LRP1B: variants seen among roughly 807,000 people sequenced by gnomAD.
LRP1B encodes the protein low-density lipoprotein receptor-related protein 1B.
LRP1B carries 217 observed loss-of-function variants against 556.6 expected under a neutral mutation model. The ratio of observed to expected loss-of-function variants is 0.39; its 90% CI spans 0.35 to 0.44. The LOEUF (loss-of-function observed/expected upper bound fraction) is 0.44. Ranked by LOEUF, LRP1B falls within the 20% of genes least tolerant of loss-of-function variation. The pLI is 1.00. For missense variants in LRP1B, 5,053 were observed against 5,620.8 expected (o/e 0.90, Z 3.23); for synonymous variants, 2,047 against 1,865.8 (o/e 1.10, Z -2.50).
At chr2:141,842,088 G>C (rs1574417777) in intron 1 of LRP1B, among the ~76,000 whole-genome samples, 1 of 152,074 alleles carries the variant, frequency 6.6e-6, no homozygotes, top group African/African-American at 2.4e-5. Context: ...GTAAGAGTTG[G>C]TTGCTAACTG....
chr2:141,432,662 A>C (rs1383593779), intron 3 of LRP1B, among the ~76,000 whole-genome samples: 8 of 151,796 alleles, frequency 5.3e-5, no homozygotes, highest in African/African-American at 1.9e-4. Flanking sequence ...TCTGTCTATT[A>C]ATTTGTATAT....
chr2:140,776,049 A>G, intron 33 of LRP1B, 49 bp downstream of exon 33: 5 of 1,401,462 alleles, frequency 3.6e-6, no homozygotes, highest in Non-Finnish European at 4.8e-6. Context: ...TATAAAAAAG[A>G]GCACATTACG....
chr2:141,196,826 A>T (rs1214131695), intron 6 of LRP1B, among the ~76,000 whole-genome samples: 1 of 151,996 alleles, frequency 6.6e-6, no homozygotes, highest in Admixed American at 6.6e-5. Context: ...GCTTCCTTTT[A>T]TTAGTCCTGA....
At chr2:140,926,872 GTTTC>G (rs940367979) in intron 20 of LRP1B, among the ~76,000 whole-genome samples, 13 of 152,210 alleles carry the variant, frequency 8.5e-5, no homozygotes, top group African/African-American at 3.1e-4. Flanking sequence ...TTCTCTGAGT[GTTTC>G]TTTATCTCCC....
chr2:141,201,747 A>G (rs1329170320), intron 6 of LRP1B, among the ~76,000 whole-genome samples: 1 of 152,130 alleles, frequency 6.6e-6, no homozygotes, highest in East Asian at 1.9e-4. Context: ...ATGTTTCCCC[A>G]AAGTATTAGC....
At chr2:140,701,249 T>C (rs548283008) in intron 40 of LRP1B, among the ~76,000 whole-genome samples, 3 of 152,206 alleles carry the variant, frequency 2.0e-5, no homozygotes, top group African/African-American at 7.2e-5. Context: ...ACCCAAATCA[T>C]TGTCCTGTAA....
At chr2:140,787,558 A>ATTTTTTT (rs756825067) in intron 32 of LRP1B, among the ~76,000 whole-genome samples, 784 of 44,658 alleles carry the variant, frequency 0.018, 127 homozygotes, top group African/African-American at 0.066. Context: ...AAAACAGAAG[A>ATTTTTTT]TTTTTTTTTT....
At chr2:141,562,717 G>A (rs1329366078) in intron 2 of LRP1B, among the ~76,000 whole-genome samples, 1 of 151,952 alleles carries the variant, frequency 6.6e-6, no homozygotes, top group Non-Finnish European at 1.5e-5. Flanking sequence ...ATGGCTAGAT[G>A]TATGAGCGTG....
At position 140,525,843 on chromosome 2, in the gene LRP1B, C is replaced by A. The variant is rs1268439344; in HGVS notation, c.8026+1G>T. The A allele has an allele frequency of 6.2e-7, 1 of 1,610,974 alleles. No homozygotes were observed. The highest frequency in any genetic ancestry group is 1.1e-5 in the South Asian group (1 of 90,774). ...TGTGTTTTTCTAAATTCTAGTATTA[C>A]CTGGGCACTTTAATTCATCTGAATA... On this transcript the variant is annotated splice_donor_variant, in intron 49 of 90. Coordinates refer to ENST00000389484, the MANE Select transcript of LRP1B (RefSeq NM_018557.3). LOFTEE classifies it high-confidence loss of function.
At chr2:140,900,183 T>A (rs1267190883) in intron 23 of LRP1B, among the ~76,000 whole-genome samples, 3 of 152,216 alleles carry the variant, frequency 2.0e-5, no homozygotes, top group Admixed American at 2.0e-4. Flanking sequence ...GTCACCTGTA[T>A]TTAAATGTTG....
At chr2:140,883,777 T>G in intron 25 of LRP1B, 40 bp downstream of exon 25, 1 of 1,561,168 alleles carries the variant, frequency 6.4e-7, no homozygotes, top group African/African-American at 1.4e-5. Context: ...AAGACTATTT[T>G]TTATGCCAAA....
chr2:141,150,264 G>A (rs1051267392), intron 7 of LRP1B, among the ~76,000 whole-genome samples: 3 of 152,198 alleles, frequency 2.0e-5, no homozygotes, highest in Non-Finnish European at 4.4e-5. Context: ...CAGTATCAAA[G>A]TTTACTAGTA....
chr2:141,330,384 A>G (rs2714184), intron 3 of LRP1B, among the ~76,000 whole-genome samples: 86,190 of 151,806 alleles, frequency 0.57, 25,542 homozygotes, highest in African/African-American at 0.7. Context: ...AGGTCATCAT[A>G]GTATTCTATA....
intron 41 of LRP1B, among the ~76,000 whole-genome samples, chr2:140,656,627 C>T (rs1313800670): frequency 2.0e-5 from 3 of 151,978 alleles, no homozygotes; most frequent in Non-Finnish European, 4.4e-5. Context: ...TGTAATTTTG[C>T]GGACTACTTC....
intron 67 of LRP1B, among the ~76,000 whole-genome samples, chr2:140,385,614 GT>G (rs575773599): frequency 2.6e-5 from 4 of 152,136 alleles, no homozygotes; most frequent in Non-Finnish European, 5.9e-5. Flanking sequence ...TGCATCAAGG[GT>G]TTCCTTCATT....
intron 2 of LRP1B, among the ~76,000 whole-genome samples, chr2:141,649,134 C>T (rs1689690845): frequency 6.6e-6 from 1 of 152,086 alleles, no homozygotes; most frequent in South Asian, 2.1e-4. Context: ...TAATTCATGA[C>T]ACAAACTGCA....
chr2:141,218,195 A>G (rs1416586454), intron 6 of LRP1B, among the ~76,000 whole-genome samples: 2 of 152,236 alleles, frequency 1.3e-5, no homozygotes, highest in African/African-American at 2.4e-5. Context: ...GGGATTGTAA[A>G]TTCGTTCAGC....
chr2:142,100,304 T>C (rs940414307), intron 1 of LRP1B, among the ~76,000 whole-genome samples: 3 of 151,892 alleles, frequency 2.0e-5, no homozygotes, highest in Admixed American at 6.6e-5. Flanking sequence ...CTCTATGAAG[T>C]TACCATTACT....
At chr2:140,368,476 T>C (rs1006593902) in intron 71 of LRP1B, among the ~76,000 whole-genome samples, 1 of 151,786 alleles carries the variant, frequency 6.6e-6, no homozygotes, top group Non-Finnish European at 1.5e-5. Flanking sequence ...CCCAATCTTT[T>C]CCACCAGTAT....
Sources: gnomAD v4.1 joint callset for allele counts (sites outside exome capture counted in the v4.1 genomes callset) on GRCh38, gnomAD v4.1.1 for gene constraint, MANE v1.5 for transcripts, NCBI Gene and HGNC (gene_info 2026-07-23, HGNC 2026-07-21) for gene names.